MYOF: variants seen among roughly 807,000 people sequenced by gnomAD.
MYOF encodes the protein myoferlin.
In MYOF, 244 loss-of-function variants were observed where a neutral mutation model predicts 284.2. The observed-to-expected ratio is 0.86, with a 90% CI of 0.77 to 0.95. MYOF has a LOEUF of 0.95. Among genes scored for constraint, MYOF ranks in the 40% least tolerant of loss-of-function variants. MYOF has a pLI of 0.00. For synonymous variants in MYOF, 904 were observed against 919.7 expected, an observed-to-expected ratio of 0.98 and a Z score of 0.31; for missense variants, 2,496 against 2,560.6, an observed-to-expected ratio of 0.97 and a Z score of 0.54.
chr10:93,354,581 A>G (rs1844695780), intron 31 of MYOF, among the ~76,000 whole-genome samples: 1 of 152,064 alleles, frequency 6.6e-6, no homozygotes, highest in South Asian at 2.1e-4. Context: ...GGAAACAGTT[A>G]ACATCTAAAA....
chr10:93,367,007 C>T (rs1410190422), intron 25 of MYOF, among the ~76,000 whole-genome samples: 1 of 152,158 alleles, frequency 6.6e-6, no homozygotes, highest in Non-Finnish European at 1.5e-5. Context: ...GAACTTGGGG[C>T]ACATTTCCCT....
At chr10:93,462,092 C>CA (rs2056896408) in intron 1 of MYOF, among the ~76,000 whole-genome samples, 1 of 52,738 alleles carries the variant, frequency 1.9e-5, no homozygotes, top group Non-Finnish European at 4.1e-5. Context: ...CTAAGCCCCC[C>CA]ACCTTTTTTT....
chr10:93,431,297 T>TCCCACA, intron 4 of MYOF, 111 bp downstream of exon 4: 1 of 812,660 alleles, frequency 1.2e-6, no homozygotes, highest in Non-Finnish European at 2.0e-6. Flanking sequence ...CCTCCCAAAG[T>TCCCACA]GCTGGGATTA....
chr10:93,366,861 T>G (rs1365743746), intron 25 of MYOF, among the ~76,000 whole-genome samples: 1 of 152,224 alleles, frequency 6.6e-6, no homozygotes, highest in Non-Finnish European at 1.5e-5. Flanking sequence ...AATAGCGATA[T>G]AGCATCCTAG....
chr10:93,391,948 T>G (rs1846711191), intron 17 of MYOF, among the ~76,000 whole-genome samples: 1 of 152,048 alleles, frequency 6.6e-6, no homozygotes. Flanking sequence ...TCAGGGGGAG[T>G]GGCAGGATTT....
intron 5 of MYOF, among the ~76,000 whole-genome samples, chr10:93,425,061 C>T (rs1034102745): frequency 1.3e-5 from 2 of 150,846 alleles, no homozygotes; most frequent in African/African-American, 4.9e-5. Context: ...GTCTCAGCCT[C>T]CCGAGTAGCT....
intron 1 of MYOF, among the ~76,000 whole-genome samples, chr10:93,462,942 A>G (rs561413950): frequency 6.6e-6 from 1 of 152,256 alleles, no homozygotes; most frequent in African/African-American, 2.4e-5. Context: ...GTCTAATTTT[A>G]TTAAGATGAC....
chr10:93,353,678 A>G (rs990960071), intron 32 of MYOF, 133 bp downstream of exon 32: 4 of 655,180 alleles, frequency 6.1e-6, no homozygotes, highest in Admixed American at 3.0e-5. Context: ...AGTTTGCTTC[A>G]AGCATGCAAA....
intron 23 of MYOF, among the ~76,000 whole-genome samples, chr10:93,373,710 AAT>A (rs1845700682): frequency 2.0e-5 from 3 of 152,132 alleles, no homozygotes; most frequent in African/African-American, 7.2e-5. Flanking sequence ...TCTACCCACA[AAT>A]ATATGACTAC....
At chr10:93,404,873 T>C (rs1847482543) in intron 7 of MYOF, among the ~76,000 whole-genome samples, 2 of 152,180 alleles carry the variant, frequency 1.3e-5, no homozygotes, top group African/African-American at 4.8e-5. Flanking sequence ...ATTGACCACA[T>C]TGTAAAAGCT....
At chr10:93,325,239 A>T (rs948065786) in intron 46 of MYOF, among the ~76,000 whole-genome samples, 4 of 152,190 alleles carry the variant, frequency 2.6e-5, no homozygotes, top group African/African-American at 7.2e-5. Context: ...GTCAGTGGCC[A>T]TGTCTTGCTT....
intron 7 of MYOF, among the ~76,000 whole-genome samples, chr10:93,405,999 C>A (rs1057479066): frequency 4.8e-4 from 72 of 151,346 alleles, no homozygotes; most frequent in Admixed American, 9.9e-4. Flanking sequence ...GCTCTGTCAC[C>A]CAGGCTGGAG....
intron 1 of MYOF, among the ~76,000 whole-genome samples, chr10:93,470,215 C>T (rs1324071309): frequency 5.3e-5 from 7 of 132,408 alleles, no homozygotes; most frequent in Non-Finnish European, 9.3e-5. Flanking sequence ...GGCAACAGAG[C>T]GAGACTCCAT....
chr10:93,458,848 G>T (rs1386013912), intron 1 of MYOF, among the ~76,000 whole-genome samples: 3 of 152,182 alleles, frequency 2.0e-5, no homozygotes, highest in Admixed American at 6.5e-5. Context: ...CTTCTCCTCT[G>T]CTGCTGTGGA....
At chr10:93,355,816 G>T in intron 30 of MYOF, 80 bp from the exon 31 acceptor site, 1 of 970,990 alleles carries the variant, frequency 1.0e-6, no homozygotes. Flanking sequence ...CAAGAGGCAA[G>T]AATAACAAAT....
chr10:93,340,076 T>G (rs919156102), intron 39 of MYOF, 77 bp downstream of exon 39: 1 of 1,516,536 alleles, frequency 6.6e-7, no homozygotes, highest in Non-Finnish European at 9.1e-7. Context: ...CGAGACTCCT[T>G]CTCAAAAAAA....
intron 43 of MYOF, among the ~76,000 whole-genome samples, chr10:93,331,031 T>C (rs1025246525): frequency 3.9e-5 from 6 of 152,168 alleles, no homozygotes; most frequent in Non-Finnish European, 8.8e-5. Flanking sequence ...CTGGACAAAC[T>C]AAAGGTTCTG....
At chr10:93,376,052 C>T (rs897360137) in intron 22 of MYOF, among the ~76,000 whole-genome samples, 1 of 152,178 alleles carries the variant, frequency 6.6e-6, no homozygotes, top group Admixed American at 6.5e-5. Context: ...GCACAACTTC[C>T]CTTAGACACT....
chr10:93,323,196 G>A (rs771219386), intron 47 of MYOF, 23 bp from the exon 48 acceptor site: 4 of 1,613,548 alleles, frequency 2.5e-6, no homozygotes, highest in South Asian at 1.1e-5. Flanking sequence ...CAGTTGGAAG[G>A]TACTTTTTTT....
Sources: gnomAD v4.1 joint callset for allele counts (sites outside exome capture counted in the v4.1 genomes callset) on GRCh38, gnomAD v4.1.1 for gene constraint, MANE v1.5 for transcripts, NCBI Gene and HGNC (gene_info 2026-07-23, HGNC 2026-07-21) for gene names.